SDK1: variants seen among roughly 807,000 people sequenced by gnomAD.
The protein encoded by SDK1 is sidekick cell adhesion molecule 1.
Under a neutral mutation model 245.5 loss-of-function variants are expected in SDK1, and 157 were observed. That is an observed-to-expected ratio of 0.64 (90% confidence interval 0.56 to 0.73). The LOEUF is 0.73. SDK1 is among the 30% of genes least tolerant of loss of function. The pLI is 0.00. For missense variants in SDK1, 3,583 were observed against 3,002.3 expected (o/e 1.19, Z -4.52); for synonymous variants, 1,647 against 1,278.5 (o/e 1.29, Z -6.15).
At chr7:3,338,404 A>G in intron 1 of SDK1, 1 of 529,004 alleles carries the variant, frequency 1.9e-6, no homozygotes. Context: ...CGTGTTGAGC[A>G]CATTAAGCAC....
chr7:3,635,524 G>A (rs571706780), intron 2 of SDK1, among the ~76,000 whole-genome samples: 13 of 152,300 alleles, frequency 8.5e-5, no homozygotes, highest in South Asian at 4.1e-4. Flanking sequence ...CAAATACAGC[G>A]TAGCATACAC....
intron 5 of SDK1, among the ~76,000 whole-genome samples, chr7:3,940,232 C>T (rs1166293487): frequency 2.0e-5 from 3 of 152,178 alleles, no homozygotes; most frequent in African/African-American, 4.8e-5. Flanking sequence ...AACTGACCTA[C>T]AGAACTGAAC....
intron 1 of SDK1, among the ~76,000 whole-genome samples, chr7:3,575,033 C>T (rs1448759375): frequency 6.6e-6 from 1 of 152,018 alleles, no homozygotes; most frequent in Non-Finnish European, 1.5e-5. Context: ...CATTCCTGTG[C>T]AGCCTAAAGA....
At chr7:3,749,357 T>C (rs2115062257) in intron 4 of SDK1, among the ~76,000 whole-genome samples, 2 of 152,226 alleles carry the variant, frequency 1.3e-5, no homozygotes, top group South Asian at 4.1e-4. Flanking sequence ...TGGAGTGCAA[T>C]GGCACGATCT....
At chr7:4,256,769 G>T (rs1787657577) in intron 44 of SDK1, among the ~76,000 whole-genome samples, 1 of 152,212 alleles carries the variant, frequency 6.6e-6, no homozygotes, top group South Asian at 2.1e-4. Context: ...GGGCCCAGGG[G>T]ATAAGGAGTG....
intron 17 of SDK1, among the ~76,000 whole-genome samples, chr7:4,025,016 TCACACACACACACACA>T (rs10602730): frequency 6.1e-5 from 9 of 148,360 alleles, no homozygotes; most frequent in Non-Finnish European, 7.5e-5. Flanking sequence ...TATTTTGCAT[TCACACACACACACACA>T]CACACACACA....
chr7:3,709,934 G>A (rs2880090), intron 4 of SDK1, among the ~76,000 whole-genome samples: 12 of 152,196 alleles, frequency 7.9e-5, no homozygotes, highest in Non-Finnish European at 1.3e-4. Context: ...AGCAAAGCAC[G>A]TGCCAGGTGC....
chr7:3,935,179 G>A (rs1474418277), intron 5 of SDK1, among the ~76,000 whole-genome samples: 1 of 152,172 alleles, frequency 6.6e-6, no homozygotes, highest in Non-Finnish European at 1.5e-5. Context: ...CGATGGGCAG[G>A]GCACAGGCAG....
At position 4,221,115 on chromosome 7, in the gene SDK1, A is replaced by G. The variant is rs548898504; in HGVS notation, c.5702-124A>G. The G allele has an allele frequency of 2.3e-4, 278 of 1,189,042 alleles. 1 individual carries two copies. In the Admixed American group the frequency reaches 5.4e-3, roughly 23 times the overall value. 73.7% of individuals were successfully genotyped at this position (1,189,042 alleles called of 1,614,324 possible). On this transcript the variant is annotated intron_variant, in intron 39 of 44. Coordinates refer to ENST00000404826, the MANE Select transcript of SDK1 (RefSeq NM_152744.4). ...TGAAAAACCCTGGGTGCGTGAGGTTAAGTAACCTGCCCAGACACTCTGCAG... is the reference window on the plus strand; with the variant it reads ...TGAAAAACCCTGGGTGCGTGAGGTTGAGTAACCTGCCCAGACACTCTGCAG...
At chr7:3,654,207 G>A (rs1464837196) in intron 4 of SDK1, among the ~76,000 whole-genome samples, 1 of 152,164 alleles carries the variant, frequency 6.6e-6, no homozygotes, top group Non-Finnish European at 1.5e-5. Context: ...GTAAAATCTA[G>A]AAAGTTCTTT....
intron 22 of SDK1, among the ~76,000 whole-genome samples, chr7:4,108,350 T>A (rs147990560): frequency 6.6e-6 from 1 of 152,090 alleles, no homozygotes; most frequent in African/African-American, 2.4e-5. Context: ...TCCACATAAC[T>A]CTTGTTTTCT....
intron 23 of SDK1, among the ~76,000 whole-genome samples, chr7:4,111,028 C>T (rs910386248): frequency 6.6e-6 from 1 of 152,108 alleles, no homozygotes; most frequent in Non-Finnish European, 1.5e-5. Context: ...ATAGAAATGG[C>T]CCACTGTTAT....
intron 22 of SDK1, among the ~76,000 whole-genome samples, chr7:4,082,591 T>C (rs1366232871): frequency 6.6e-6 from 1 of 152,040 alleles, no homozygotes; most frequent in Non-Finnish European, 1.5e-5. Flanking sequence ...TGGATGTCTT[T>C]TCTCATGATA....
chr7:4,060,134 GC>G (rs2128170468), intron 19 of SDK1, among the ~76,000 whole-genome samples: 1 of 152,128 alleles, frequency 6.6e-6, no homozygotes, highest in East Asian at 1.9e-4. Context: ...GCCCGCCTCG[GC>G]CTTCCAAAGT....
chr7:3,453,030 C>G (rs530878447), intron 1 of SDK1, among the ~76,000 whole-genome samples: 6 of 152,280 alleles, frequency 3.9e-5, no homozygotes, highest in African/African-American at 1.4e-4. Flanking sequence ...CTTGCCATTG[C>G]CTCCTCAGCT....
chr7:3,998,705 G>T (rs1489339269), intron 14 of SDK1, among the ~76,000 whole-genome samples: 2 of 152,184 alleles, frequency 1.3e-5, no homozygotes, highest in Non-Finnish European at 2.9e-5. Flanking sequence ...TGTTTTCTAT[G>T]AATTAGGAGT....
intron 1 of SDK1, among the ~76,000 whole-genome samples, chr7:3,589,066 T>G (rs928094622): frequency 5.9e-5 from 9 of 152,242 alleles, no homozygotes; most frequent in Non-Finnish European, 2.9e-5. Context: ...TTTACGGACA[T>G]CAAGTCAATT....
intron 37 of SDK1, 71 bp from the exon 38 acceptor site, chr7:4,209,954 G>C (rs1784426663): frequency 7.9e-7 from 1 of 1,260,348 alleles, no homozygotes; most frequent in South Asian, 1.8e-5. Flanking sequence ...TCTATACGGA[G>C]GCACAGACAT....
At chr7:3,823,751 G>T (rs1779702589) in intron 5 of SDK1, among the ~76,000 whole-genome samples, 1 of 152,076 alleles carries the variant, frequency 6.6e-6, no homozygotes, top group Non-Finnish European at 1.5e-5. Flanking sequence ...TGATGATATG[G>T]ACTTATTTTA....
Sources: allele counts gnomAD v4.1 joint callset (sites outside exome capture counted in the v4.1 genomes callset), GRCh38; gene constraint gnomAD v4.1.1; transcripts MANE v1.5; gene names NCBI Gene and HGNC (gene_info 2026-07-23, HGNC 2026-07-21).